TIAM1: variants seen among roughly 807,000 people sequenced by gnomAD.
The protein encoded by TIAM1 is TIAM Rac1 associated GEF 1, also known as rho guanine nucleotide exchange factor TIAM1.
TIAM1 carries 65 observed loss-of-function variants against 163.5 expected under a neutral mutation model. The observed-to-expected ratio is 0.40, with a 90% CI of 0.33 to 0.49. The LOEUF is 0.49. Ranked by LOEUF, TIAM1 falls within the 20% of genes least tolerant of loss-of-function variation. The probability of loss-of-function intolerance (pLI) is 0.77; values close to 1 mark genes in which losing one functional copy is unlikely to be tolerated. For missense variants in TIAM1, 1,789 were observed against 2,044.7 expected (o/e 0.87, Z 2.41); for synonymous variants, 833 against 810.1 (o/e 1.03, Z -0.48).
At chr21:31,414,803 G>GA (rs1407815653) in intron 2 of TIAM1, among the ~76,000 whole-genome samples, 1 of 152,194 alleles carries the variant, frequency 6.6e-6, no homozygotes, top group Non-Finnish European at 1.5e-5. Context: ...AGAGGAACTG[G>GA]AAAAAGGTCA....
rs751384902 is a variant in TIAM1, at chr21:31,120,323, G to A, written c.*45C>T. On this transcript the variant is annotated 3_prime_UTR_variant, in exon 28 of 28. Transcript: ENST00000541036. The surrounding 1 kb of genome is among the most constrained non-coding windows in gnomAD (Gnocchi z 4.2). ...GGTACAGGAGGGTGGGCAGAGTTAGGGCAGGAAGTATCTACACACATTCTC... is the reference window on the plus strand; with the variant it reads ...GGTACAGGAGGGTGGGCAGAGTTAGAGCAGGAAGTATCTACACACATTCTC... 5.2e-6 allele frequency: 8 copies of A among 1,539,168 alleles called. No individual in the cohort carries two copies. Among genetic ancestry groups the A allele is most frequent in the African/African-American group, 1.4e-5 (1 of 73,364 alleles).
At chr21:31,350,860 T>C (rs1033588128) in intron 2 of TIAM1, among the ~76,000 whole-genome samples, 4 of 152,218 alleles carry the variant, frequency 2.6e-5, no homozygotes, top group Non-Finnish European at 4.4e-5. Flanking sequence ...AGGGGTAGGA[T>C]GGTGAAGTGA....
chr21:31,464,007 C>A (rs887605361), exon 2 of TIAM1: 6 of 152,168 alleles, frequency 3.9e-5, no homozygotes, highest in Non-Finnish European at 7.3e-5. Context: ...GCTTCTGAAG[C>A]TGTTTACATC....
chr21:31,217,779 C>A, intron 8 of TIAM1, 80 bp from the exon 9 acceptor site: 1 of 1,524,560 alleles, frequency 6.6e-7, no homozygotes, highest in South Asian at 1.3e-5. Flanking sequence ...CCGTAAGTCC[C>A]ACCCTTCAAA....
intron 1 of TIAM1, among the ~76,000 whole-genome samples, chr21:31,491,217 G>A (rs4816398): frequency 0.32 from 48,332 of 152,034 alleles, 8,431 homozygotes; most frequent in East Asian, 0.71. Flanking sequence ...GGACAGTGGA[G>A]TAGAAAAGTG....
chr21:31,335,979 T>C (rs1203673365), intron 2 of TIAM1, among the ~76,000 whole-genome samples: 1 of 152,150 alleles, frequency 6.6e-6, no homozygotes, highest in Non-Finnish European at 1.5e-5. Flanking sequence ...GGTGCAATCA[T>C]GTATTCTGTT....
intron 2 of TIAM1, among the ~76,000 whole-genome samples, chr21:31,309,909 T>C (rs1465722787): frequency 1.3e-5 from 2 of 152,188 alleles, no homozygotes; most frequent in African/African-American, 4.8e-5. Context: ...ATCCCCTTCT[T>C]TCCCATCTGT....
chr21:31,184,000 G>C (rs2085161497), intron 14 of TIAM1, among the ~76,000 whole-genome samples: 2 of 152,198 alleles, frequency 1.3e-5, no homozygotes, highest in Non-Finnish European at 2.9e-5. Flanking sequence ...CCAGGCTGGA[G>C]TGCAGTGGCA....
intron 5 of TIAM1, among the ~76,000 whole-genome samples, chr21:31,248,758 G>A (rs1028608954): frequency 6.6e-6 from 1 of 152,100 alleles, no homozygotes; most frequent in Non-Finnish European, 1.5e-5. Flanking sequence ...AACCCATCAG[G>A]ATGAAGCAAA....
intron 2 of TIAM1, among the ~76,000 whole-genome samples, chr21:31,440,789 G>A (rs555759195): frequency 3.3e-5 from 5 of 152,282 alleles, no homozygotes; most frequent in South Asian, 2.1e-4. Context: ...GCTGAGGTGG[G>A]AGAATCACTT....
chr21:31,308,563 C>T (rs1381348073), intron 2 of TIAM1, among the ~76,000 whole-genome samples: 1 of 152,048 alleles, frequency 6.6e-6, no homozygotes, highest in East Asian at 1.9e-4. Flanking sequence ...GGAATGTTTA[C>T]TATAGTATAC....
chr21:31,388,212 AACACACACACACAC>A (rs11369323), intron 2 of TIAM1, among the ~76,000 whole-genome samples: 17,151 of 115,870 alleles, frequency 0.15, 1,181 homozygotes, highest in Admixed American at 0.27. Flanking sequence ...AGAAGACCCT[AACACACACACACAC>A]ACACACACAC....
At chr21:31,518,055 T>C (rs1005594632) in intron 1 of TIAM1, among the ~76,000 whole-genome samples, 1 of 152,156 alleles carries the variant, frequency 6.6e-6, no homozygotes, top group Non-Finnish European at 1.5e-5. Context: ...TTTTCTCCCG[T>C]TAATCTGTCT....
At chr21:31,479,745 T>C (rs896244792) in intron 1 of TIAM1, among the ~76,000 whole-genome samples, 1 of 152,182 alleles carries the variant, frequency 6.6e-6, no homozygotes, top group Middle Eastern at 3.2e-3. Flanking sequence ...AAACAGTACC[T>C]GTAAGTGCCT....
chr21:31,536,750 G>A (rs542859316), intron 1 of TIAM1, among the ~76,000 whole-genome samples: 12 of 152,264 alleles, frequency 7.9e-5, no homozygotes, highest in African/African-American at 2.4e-4. Flanking sequence ...CTCAAGCCAC[G>A]GGGAAGATGA....
intron 2 of TIAM1, among the ~76,000 whole-genome samples, chr21:31,337,186 A>G (rs2075867980): frequency 6.6e-6 from 1 of 152,116 alleles, no homozygotes; most frequent in African/African-American, 2.4e-5. Flanking sequence ...GAAAACCAGA[A>G]AGTAGGTAGG....
At chr21:31,319,516 T>C (rs779368726) in intron 2 of TIAM1, among the ~76,000 whole-genome samples, 5 of 152,088 alleles carry the variant, frequency 3.3e-5, no homozygotes, top group Non-Finnish European at 7.4e-5. Flanking sequence ...CGGTGGCTCA[T>C]ACCTGTAATC....
chr21:31,134,481 T>C (rs1031955845), intron 23 of TIAM1, among the ~76,000 whole-genome samples: 1 of 152,192 alleles, frequency 6.6e-6, no homozygotes, highest in African/African-American at 2.4e-5. Flanking sequence ...ATGGCCTATT[T>C]AGTCACATGC....
chr21:31,518,182 G>GT (rs1432545812), intron 1 of TIAM1, among the ~76,000 whole-genome samples: 1 of 152,180 alleles, frequency 6.6e-6, no homozygotes, highest in African/African-American at 2.4e-5. Flanking sequence ...GGTGCCTTGG[G>GT]TATGAGCATA....
Sources: gnomAD v4.1 joint callset for allele counts (sites outside exome capture counted in the v4.1 genomes callset) on GRCh38, gnomAD v4.1.1 for gene constraint, Gnocchi (gnomAD v3.1) non-coding constraint, MANE v1.5 for transcripts, NCBI Gene and HGNC (gene_info 2026-07-23, HGNC 2026-07-21) for gene names.